MGAT4B: variants seen among roughly 807,000 people sequenced by gnomAD.
The protein encoded by MGAT4B is alpha-1,3-mannosyl-glycoprotein 4-beta-N-acetylglucosaminyltransferase B, also known as N-acetylglucosaminyltransferase IVb.
MGAT4B carries 38 observed loss-of-function variants against 73.9 expected under a neutral mutation model. The ratio of observed to expected loss-of-function variants is 0.51; its 90% CI spans 0.40 to 0.67. MGAT4B has a LOEUF of 0.67. Ranked by LOEUF, MGAT4B falls within the 30% of genes least tolerant of loss-of-function variation. The pLI is 0.00. For synonymous variants in MGAT4B, 373 were observed against 313.5 expected, an observed-to-expected ratio of 1.19 and a Z score of -2.01; for missense variants, 686 against 735.2, an observed-to-expected ratio of 0.93 and a Z score of 0.77.
chr5:179,798,927 C>T lies in MGAT4B; in HGVS notation c.1343+1G>A, dbSNP rs1163659884. On this transcript the variant is annotated splice_donor_variant, in intron 11 of 14. Transcript: ENST00000292591. LOFTEE classifies it high-confidence loss of function. ...CGCAGACCCATGGTGCTGGCACTGA[C>T]CGCTCCAGTCTTAGAGGTTGGAAGA... 1 of 1,613,354 alleles carries T rather than the reference C, an allele frequency of 6.2e-7. No homozygotes were observed.
At chr5:179,800,390 G>A in intron 6 of MGAT4B, 94 bp downstream of exon 6, 1 of 1,422,040 alleles carries the variant, frequency 7.0e-7, no homozygotes, top group Admixed American at 1.8e-5. Context: ...AGAATTCAGG[G>A]CACTGCAGGG....
At chr5:179,805,763 G>A (rs553079326) in intron 1 of MGAT4B, among the ~76,000 whole-genome samples, 4 of 152,366 alleles carry the variant, frequency 2.6e-5, no homozygotes, top group Non-Finnish European at 4.4e-5. Context: ...CAGGCCGGGG[G>A]AAGAGCGCCT....
rs1581970992 is a variant in MGAT4B at position 179,799,136 on chromosome 5, G to C, written c.1150-15C>G. The C allele has an allele frequency of 6.2e-7, 1 of 1,613,958 alleles. No homozygotes were observed. Among genetic ancestry groups the C allele is most frequent in the East Asian group, 2.2e-5 (1 of 44,890 alleles). On this transcript the variant is annotated splice_polypyrimidine_tract_variant and intron_variant, in intron 10 of 14. Coordinates refer to ENST00000292591, the MANE Select transcript of MGAT4B (RefSeq NM_014275.5). ...AAGTCTTTGTCCTGCAGCGGAGGAG[G>C]GACAGCAGTGATGGCGTGGGCCCCG... is the stretch of plus-strand genomic sequence containing the variant.
intron 9 of MGAT4B, 72 bp downstream of exon 9, chr5:179,799,434 G>A (rs1756808235): frequency 1.2e-6 from 2 of 1,610,096 alleles, no homozygotes; most frequent in South Asian, 1.1e-5. Context: ...TGCAAGGACA[G>A]GGACACAGTT....
Position 179,800,175 on chromosome 5 carries a change from G to A in MGAT4B, c.795+9C>T, listed in dbSNP as rs1356935430. 6.2e-7 allele frequency: 1 copy of A among 1,613,608 alleles called. No homozygotes were observed. The highest frequency in any genetic ancestry group is 8.5e-7 in the Non-Finnish European group (1 of 1,179,866). On this transcript the variant is annotated intron_variant, in intron 7 of 14. Transcript: ENST00000292591. ...GGCAGGGCAGGGCAACGCAGGGCTT[G>A]GGGCTGACCTGCACGTAGTAGATGC...
intron 9 of MGAT4B, 87 bp from the exon 10 acceptor site, chr5:179,799,397 C>G: frequency 6.2e-7 from 1 of 1,604,972 alleles, no homozygotes; most frequent in Non-Finnish European, 8.5e-7. Flanking sequence ...GGCCCTCCCA[C>G]AGCTGACAGT....
In MGAT4B at chr5:179,801,387, C is replaced by T. The variant is rs1188815473; in HGVS notation, c.505G>A (p.Glu169Lys). Residue 169 changes from glutamate to lysine, a missense_variant, in exon 4 of 15, where the codon GAG becomes AAG. Around this residue, in one of 2 missense-constraint regions of MGAT4B, gnomAD observed 449 missense variants for 536.8 expected, o/e 0.84. Transcript: ENST00000292591. This position sits in a 1 kb window ranked among gnomAD's most constrained non-coding sequence, Gnocchi z 4.8. ...LTDTLHSLIS[E>K]LSPQEKEDSV... ...TCCTCCTTCTCCTGCGGGCTCAGCT[C>T]GGAGATGAGCGAGTGCAGAGTGTCA... 11 of 1,612,778 alleles carry T rather than the reference C, an allele frequency of 6.8e-6. No homozygotes were observed. The highest frequency in any genetic ancestry group is 2.2e-5 in the East Asian group (1 of 44,844).
chr5:179,800,851 C>CAACA, intron 5 of MGAT4B, 56 bp downstream of exon 5: 1 of 1,588,220 alleles, frequency 6.3e-7, no homozygotes, highest in Non-Finnish European at 8.6e-7. Context: ...CCTGCCAGCA[C>CAACA]AACACCCCGC....
rs1432664967 is a variant in MGAT4B, at chr5:179,797,767, C to CTTCTAAAA, written c.*270_*277dup. ...GACGGCGGGCGCCCAAGTAAAAGCT[C>CTTCTAAAA]TTCTAAAACGGCCTGACTGGGGCAG... On this transcript the variant is annotated 3_prime_UTR_variant, in exon 15 of 15. Transcript: ENST00000292591. The CTTCTAAAA allele has an allele frequency of 7.1e-5, 30 of 420,164 alleles. No homozygotes were observed. The highest frequency in any genetic ancestry group is 9.7e-5 in the Non-Finnish European group (23 of 236,356). 26.0% of individuals were successfully genotyped at this position (420,164 alleles called of 1,614,324 possible). A position where few individuals can be genotyped will look rare whatever the true frequency, so the allele number is the denominator to read the frequency against.
intron 8 of MGAT4B, 51 bp downstream of exon 8, chr5:179,799,903 G>A (rs1257826973): frequency 6.6e-7 from 1 of 1,506,214 alleles, no homozygotes; most frequent in Non-Finnish European, 9.2e-7. Flanking sequence ...AGAGAGGATG[G>A]CAGAGGCAGG....
chr5:179,802,936 C>T, intron 1 of MGAT4B: 1 of 985,412 alleles, frequency 1.0e-6, no homozygotes, highest in Non-Finnish European at 1.2e-6. Flanking sequence ...CCTGACCGAA[C>T]TCCCTCTACA....
In MGAT4B at chr5:179,797,913, C is replaced by A; in HGVS notation, c.*132G>T. 7.6e-7 allele frequency: 1 copy of A among 1,323,928 alleles called. No homozygotes were observed. Among genetic ancestry groups the A allele is most frequent in the Non-Finnish European group, 1.0e-6 (1 of 957,048 alleles). The allele number at this position is 1,323,928 out of a possible 1,614,324, so 82.0% of individuals were successfully genotyped here. On this transcript the variant is annotated 3_prime_UTR_variant, in exon 15 of 15. Coordinates refer to ENST00000292591, the MANE Select transcript of MGAT4B (RefSeq NM_014275.5). ...CTCCGGGCCAGCGGCGGACCCCAGG[C>A]CGGCCCAAGCCCGACGCCAGGCAGA...
intron 1 of MGAT4B, among the ~76,000 whole-genome samples, chr5:179,804,423 C>T (rs1581981101): frequency 2.0e-5 from 3 of 152,162 alleles, no homozygotes. Flanking sequence ...GCTGAGACCC[C>T]GGGCTGCCCC....
At chr5:179,804,591 T>C (rs1361702516) in intron 1 of MGAT4B, among the ~76,000 whole-genome samples, 1 of 152,178 alleles carries the variant, frequency 6.6e-6, no homozygotes, top group African/African-American at 2.4e-5. Context: ...GTCCTGGGCT[T>C]GACCTTGCGT....
Position 179,798,327 on chromosome 5 carries a change from C to G in MGAT4B, c.1510+20G>C, listed in dbSNP as rs1418477941. 2 of 1,612,922 alleles carry G rather than the reference C, an allele frequency of 1.2e-6. No individual in the cohort carries two copies. Among genetic ancestry groups the G allele is most frequent in the Non-Finnish European group, 1.7e-6 (2 of 1,179,968 alleles). ...GTGTCCCTGAACCCCAGCCCACGCT[C>G]TCCCCCAAACCCTACCCACCGATCT... On this transcript the variant is annotated intron_variant, in intron 13 of 14. Transcript: ENST00000292591.
At chr5:179,802,062 C>T in intron 1 of MGAT4B, 93 bp from the exon 2 acceptor site, 3 of 1,601,552 alleles carry the variant, frequency 1.9e-6, no homozygotes, top group Non-Finnish European at 2.6e-6. Context: ...GGGTGTCCAC[C>T]TCTGCAATAG....
Position 179,799,133 on chromosome 5 carries a change from G to T in MGAT4B, c.1150-12C>A, listed in dbSNP as rs778726361. ...CCAAAGTCTTTGTCCTGCAGCGGAG[G>T]AGGGACAGCAGTGATGGCGTGGGCC... is the stretch of plus-strand genomic sequence containing the variant. On this transcript the variant is annotated splice_polypyrimidine_tract_variant and intron_variant, in intron 10 of 14. Coordinates refer to ENST00000292591, the MANE Select transcript of MGAT4B (RefSeq NM_014275.5). The T allele has an allele frequency of 6.2e-7, 1 of 1,613,886 alleles. No homozygotes were observed. The highest frequency in any genetic ancestry group is 8.5e-7 in the Non-Finnish European group (1 of 1,180,050).
chr5:179,802,019 AC>A (rs760009397), intron 1 of MGAT4B, 50 bp from the exon 2 acceptor site: 2 of 1,612,994 alleles, frequency 1.2e-6, no homozygotes, highest in South Asian at 2.2e-5. Flanking sequence ...GAGCCACCCT[AC>A]GGGCCCCTCC....
chr5:179,804,153 T>C (rs561285105), intron 1 of MGAT4B, among the ~76,000 whole-genome samples: 10 of 152,226 alleles, frequency 6.6e-5, no homozygotes, highest in Non-Finnish European at 1.5e-4. Context: ...CAGTTCCCCC[T>C]GCTTCCCTCT....
Sources: allele counts gnomAD v4.1 joint callset (sites outside exome capture counted in the v4.1 genomes callset), GRCh38; gene constraint gnomAD v4.1.1; regional missense constraint gnomAD v4.1.1; non-coding constraint Gnocchi (gnomAD v3.1); transcripts MANE v1.5; gene names NCBI Gene and HGNC (gene_info 2026-07-23, HGNC 2026-07-21).